Variants in PLA2R1 observed in about 807,000 individuals in gnomAD.
PLA2R1 encodes phospholipase A2 receptor 1.
In PLA2R1, 158 loss-of-function variants were observed where a neutral mutation model predicts 195.9. That is an observed-to-expected ratio of 0.81 (90% CI 0.71 to 0.92). The LOEUF (loss-of-function observed/expected upper bound fraction) is 0.92, where lower values mean the gene tolerates loss of function less well. Among genes scored for constraint, PLA2R1 ranks in the 40% least tolerant of loss-of-function variants. PLA2R1 has a pLI of 0.00. For synonymous variants in PLA2R1, 586 were observed against 598.2 expected, an observed-to-expected ratio of 0.98 and a Z score of 0.30; for missense variants, 1,626 against 1,764.6, an observed-to-expected ratio of 0.92 and a Z score of 1.41.
chr2:160,055,151 G>T (rs1229738381), intron 1 of PLA2R1, among the ~76,000 whole-genome samples: 2 of 152,162 alleles, frequency 1.3e-5, no homozygotes, highest in African/African-American at 4.8e-5. Flanking sequence ...GGCTTAACAA[G>T]AAAGAGTAAA....
the PLA2R1 span, among the ~76,000 whole-genome samples, chr2:159,925,371 C>A: frequency 6.6e-6 from 1 of 152,086 alleles, no homozygotes; most frequent in Non-Finnish European, 1.5e-5. Flanking sequence ...TTTACAGCAA[C>A]TATGTAGATG....
At chr2:159,958,681 T>C (rs1332753677) in intron 20 of PLA2R1, among the ~76,000 whole-genome samples, 1 of 152,184 alleles carries the variant, frequency 6.6e-6, no homozygotes, top group Non-Finnish European at 1.5e-5. Context: ...ATTCTAAATT[T>C]AGCTCAGTGG....
intron 12 of PLA2R1, among the ~76,000 whole-genome samples, chr2:159,985,561 A>T (rs112158931): frequency 7.9e-5 from 12 of 152,100 alleles, no homozygotes; most frequent in Admixed American, 3.9e-4. Flanking sequence ...ATATATACAC[A>T]CACATACATA....
At chr2:159,930,150 G>A (rs956848802), downstream of PLA2R1, among the ~76,000 whole-genome samples, 4 of 151,946 alleles carry the variant, frequency 2.6e-5, no homozygotes, top group East Asian at 1.9e-4. Flanking sequence ...GGCTCACGCC[G>A]GTAATCCCAG....
chr2:159,945,039 T>A lies in PLA2R1; in HGVS notation c.4011A>T (p.Ser1337=), dbSNP rs78212577. ...KWFDGTPTDQ[S]NWGIRKPDTD... is the part of the protein sequence containing the mutation. ...TGTCTGGCTTCCGAATGCCCCAGTT[T>A]GACTGGTCTGTGGGAGTTCCATCAA... is the stretch of plus-strand genomic sequence containing the variant. Residue 1337 remains serine, a synonymous_variant, in exon 28 of 30, where the codon TCA becomes TCT. Coordinates refer to ENST00000283243, the MANE Select transcript of PLA2R1 (RefSeq NM_007366.5). The A allele has an allele frequency of 6.2e-7, 1 of 1,613,838 alleles. No homozygotes were observed.
rs1305333525 is a variant in PLA2R1 at position 160,061,937 on chromosome 2, A to G, written c.109+358T>C. On this transcript the variant is annotated intron_variant, in intron 1 of 29. Transcript: ENST00000283243. ...TATCATTTATCCGTCCCAAATAAGC[A>G]GCTCTCAGAAAGTTTCCGTTTTGAA... is the stretch of plus-strand genomic sequence containing the variant. 2.6e-5 allele frequency among the ~76,000 whole-genome samples: 4 copies of G among 152,226 alleles called. No homozygotes were observed. The East Asian group carries it at 7.8e-4, about 30-fold the overall frequency.
intron 12 of PLA2R1, among the ~76,000 whole-genome samples, chr2:159,985,397 A>G (rs1240043672): frequency 6.6e-6 from 1 of 152,232 alleles, no homozygotes; most frequent in Non-Finnish European, 1.5e-5. Context: ...TTTCCCCAAG[A>G]TTTAGTGAAC....
At position 160,044,865 on chromosome 2, in the gene PLA2R1, A is replaced by G; in HGVS notation, c.402T>C (p.His134=). 1 of 1,614,130 alleles carries G rather than the reference A, an allele frequency of 6.2e-7. No individual in the cohort carries two copies. Among genetic ancestry groups the G allele is most frequent in the Non-Finnish European group, 8.5e-7 (1 of 1,179,960 alleles). The change falls in exon 2 of 30, where the codon CAT becomes CAC. Residue 134 remains histidine (H), a synonymous_variant. Coordinates refer to ENST00000283243, the MANE Select transcript of PLA2R1 (RefSeq NM_007366.5). ...TCCGTGAGGCCACCACTGTGTTGTC[A>G]TGCGCCACCTGGACAGAGTACTGCA... ...GPLQYSVQVA[H]DNTVVASRKY... is the part of the protein sequence containing the mutation.
chr2:160,025,202 A>G (rs1285151952), intron 6 of PLA2R1, among the ~76,000 whole-genome samples: 1 of 152,122 alleles, frequency 6.6e-6, no homozygotes, highest in Non-Finnish European at 1.5e-5. Context: ...TAAAGTCAAA[A>G]TTGTCAAAAA....
rs1688048967 is a variant in PLA2R1, at chr2:159,955,806, A to G, written c.3045T>C (p.Phe1015=). The change falls in exon 22 of 30, where the codon TTT becomes TTC. Residue 1015 remains phenylalanine (F), a synonymous_variant. Transcript: ENST00000283243. ...VEQAFITMNL[F]GQTTSVWIGL... is the part of the protein sequence containing the mutation. ...CTATCCACACACTGGTGGTCTGGCC[A>G]AAAAGATTCATAGTAATGAAAGCTG... is the stretch of plus-strand genomic sequence containing the variant. The G allele has an allele frequency of 6.3e-7, 1 of 1,597,610 alleles. No individual in the cohort carries two copies. The highest frequency in any genetic ancestry group is 1.3e-5 in the African/African-American group (1 of 74,400).
rs752426024 is a variant in PLA2R1, at chr2:160,005,787, T to C, written c.1699A>G (p.Ser567Gly). ...TAACTGTCCTTCATTTTTACCACAC[T>C]ACTGATCAAACTGGTAATAAAAGCC... is the stretch of plus-strand genomic sequence containing the variant. ...EQAFITSLIS[S>G]VVKMKDSYFW... Residue 567 changes from serine (S) to glycine (G), a missense_variant, in exon 11 of 30, where the codon AGT (serine) becomes GGT (glycine). Ser to Gly is a moderately conservative substitution (Grantham distance 56, BLOSUM62 0). Transcript: ENST00000283243. 2 of 1,612,660 alleles carry C rather than the reference T, an allele frequency of 1.2e-6. No homozygotes were observed. Among genetic ancestry groups the C allele is most frequent in the Non-Finnish European group, 8.5e-7 (1 of 1,178,796 alleles).
At position 159,941,786 on chromosome 2, in the gene PLA2R1, C is replaced by A; in HGVS notation, c.4384G>T (p.Asp1462Tyr). The A allele has an allele frequency of 6.4e-7, 1 of 1,564,686 alleles. No individual in the cohort carries two copies. The highest frequency in any genetic ancestry group is 1.1e-5 in the South Asian group (1 of 89,638). ...ATTCTCTGACCTCATTATTATTGGT[C>A]ACTCTTCTCAAGATCAGAAATGAGA... ...NILISDLEKSDQ is the reference protein window; with the variant it reads ...NILISDLEKSYQ The change falls in exon 30 of 30, where the codon GAC becomes TAC. Residue 1462 changes from aspartate (D) to tyrosine (Y), a missense_variant. Coordinates refer to ENST00000283243, the MANE Select transcript of PLA2R1 (RefSeq NM_007366.5).
intron 3 of PLA2R1, among the ~76,000 whole-genome samples, chr2:160,035,899 T>C (rs1198409513): frequency 6.6e-6 from 1 of 152,230 alleles, no homozygotes; most frequent in African/African-American, 2.4e-5. Flanking sequence ...TTTGAGACTT[T>C]ATCAAACAAG....
At chr2:159,945,711 C>T (rs983747328) in intron 27 of PLA2R1, 2 of 762,840 alleles carry the variant, frequency 2.6e-6, no homozygotes, top group Admixed American at 1.3e-4. Flanking sequence ...TGGGTATATA[C>T]CCAGTAATGG....
chr2:160,031,731 T>C (rs1306037598), intron 4 of PLA2R1, among the ~76,000 whole-genome samples: 1 of 152,184 alleles, frequency 6.6e-6, no homozygotes, highest in East Asian at 1.9e-4. Context: ...CACTGTGCAA[T>C]AGCTGCCATG....
chr2:159,965,270 T>G (rs1688712584), intron 20 of PLA2R1, among the ~76,000 whole-genome samples: 1 of 152,184 alleles, frequency 6.6e-6, no homozygotes, highest in Admixed American at 6.5e-5. Flanking sequence ...ATACAGAGAA[T>G]TTTCACTGCC....
At position 159,955,698 on chromosome 2, in the gene PLA2R1, A is replaced by G. The variant is rs1206190305; in HGVS notation, c.3153T>C (p.Asn1051=). The G allele has an allele frequency of 7.0e-7, 1 of 1,422,988 alleles. No homozygotes were observed. The highest frequency in any genetic ancestry group is 1.4e-5 in the African/African-American group (1 of 69,098). 88.1% of individuals were successfully genotyped at this position (1,422,988 alleles called of 1,614,324 possible). ...YSNWSPFDII[N]IPSHNTTEVQ... is the part of the protein sequence containing the mutation. ...CCAAAAAATAAATCTTAAAACTTAC[A>G]TTTATTATATCAAATGGAGACCAGT... is the stretch of plus-strand genomic sequence containing the variant. The change falls in exon 22 of 30, where the codon AAT becomes AAC. Residue 1051 remains asparagine (N), a splice_region_variant and synonymous_variant. Transcript: ENST00000283243.
intron 8 of PLA2R1, among the ~76,000 whole-genome samples, chr2:160,019,161 T>A (rs2715937): frequency 1.3e-5 from 2 of 152,042 alleles, no homozygotes; most frequent in Non-Finnish European, 2.9e-5. Flanking sequence ...TTCAGGCTAC[T>A]GGGACCACTC....
intron 2 of PLA2R1, 32 bp downstream of exon 2, chr2:160,044,742 A>G (rs1471702418): frequency 6.4e-7 from 1 of 1,574,630 alleles, no homozygotes; most frequent in South Asian, 1.1e-5. Flanking sequence ...AAAAAACACC[A>G]TTCCCTGAGT....
Sources: gnomAD v4.1 joint callset for allele counts (sites outside exome capture counted in the v4.1 genomes callset) on GRCh38, gnomAD v4.1.1 for gene constraint, MANE v1.5 for transcripts, NCBI Gene and HGNC (gene_info 2026-07-23, HGNC 2026-07-21) for gene names.